Variants in RALGPS1 observed in about 807,000 individuals in gnomAD.
The protein encoded by RALGPS1 is ras-specific guanine nucleotide-releasing factor RalGPS1.
In RALGPS1, 19 loss-of-function variants were observed where a neutral mutation model predicts 78.8. The ratio of observed to expected loss-of-function variants is 0.24; its 90% CI spans 0.17 to 0.35. RALGPS1 has a LOEUF of 0.35. Among genes scored for constraint, RALGPS1 ranks in the 10% least tolerant of loss-of-function variants. The probability of loss-of-function intolerance (pLI) is 1.00; values close to 1 mark genes in which losing one functional copy is unlikely to be tolerated. For synonymous variants in RALGPS1, 228 were observed against 256.3 expected, an observed-to-expected ratio of 0.89 and a Z score of 1.06; for missense variants, 454 against 688.3, an observed-to-expected ratio of 0.66 and a Z score of 3.81.
chr9:126,949,387 C>T (rs2037593672), intron 1 of RALGPS1, among the ~76,000 whole-genome samples: 1 of 152,126 alleles, frequency 6.6e-6, no homozygotes, highest in African/African-American at 2.4e-5. Context: ...GGAATCGCCA[C>T]ACTGACTTCC....
At chr9:126,943,214 C>T (rs1416013399) in intron 1 of RALGPS1, among the ~76,000 whole-genome samples, 1 of 152,162 alleles carries the variant, frequency 6.6e-6, no homozygotes, top group Non-Finnish European at 1.5e-5. Flanking sequence ...GCAATCTCAG[C>T]TCACTGCAAC....
intron 4 of RALGPS1, among the ~76,000 whole-genome samples, chr9:127,016,157 A>T (rs540992147): frequency 1.3e-5 from 2 of 151,956 alleles, no homozygotes; most frequent in South Asian, 2.1e-4. Context: ...GTCTTGTCCA[A>T]TTTATCCCTG....
At chr9:127,054,995 TTGAG>T (rs1355649657) in intron 7 of RALGPS1, among the ~76,000 whole-genome samples, 44 of 66,170 alleles carry the variant, frequency 6.6e-4, no homozygotes, top group Admixed American at 5.8e-3. Flanking sequence ...GAGAGATTGA[TTGAG>T]AGAGAGAGAG....
At position 127,218,482 on chromosome 9, in the gene RALGPS1, G is replaced by A. The variant is rs1394569388; in HGVS notation, c.1645-258G>A. 6.6e-6 allele frequency among the ~76,000 whole-genome samples: 1 copy of A among 152,190 alleles called. No homozygotes were observed. The highest frequency in any genetic ancestry group is 1.5e-5 in the Non-Finnish European group (1 of 68,026). ...AGCCTCAGTTTCCTGTCTTTGTAAT[G>A]AGGACGATCCCAGTGCCTGCCCCAG... On this transcript the variant is annotated intron_variant, in intron 18 of 18. Coordinates refer to ENST00000259351, the MANE Select transcript of RALGPS1 (RefSeq NM_014636.3). This position sits in a 1 kb window ranked among gnomAD's most constrained non-coding sequence, Gnocchi z 4.4.
intron 8 of RALGPS1, among the ~76,000 whole-genome samples, chr9:127,161,588 G>A (rs2059022640): frequency 6.6e-6 from 1 of 152,220 alleles, no homozygotes; most frequent in Non-Finnish European, 1.5e-5. Context: ...ACTGACCACA[G>A]TGGACATGAG....
intron 3 of RALGPS1, among the ~76,000 whole-genome samples, chr9:126,968,775 G>A (rs922965630): frequency 4.6e-5 from 7 of 152,324 alleles, no homozygotes; most frequent in Admixed American, 6.5e-5. Flanking sequence ...TCGTCCGGGC[G>A]CGGTGGCTCA....
intron 8 of RALGPS1, among the ~76,000 whole-genome samples, chr9:127,146,229 C>T (rs532221709): frequency 2.6e-4 from 39 of 152,262 alleles, no homozygotes; most frequent in Admixed American, 1.9e-3. Flanking sequence ...CCTCCTCCCT[C>T]CTGCCTCTAA....
At chr9:127,167,121 G>A (rs1485498797) in intron 9 of RALGPS1, among the ~76,000 whole-genome samples, 3 of 152,204 alleles carry the variant, frequency 2.0e-5, no homozygotes, top group Non-Finnish European at 4.4e-5. Context: ...CACCAAAGAA[G>A]GGTGGTAGGA....
At chr9:127,162,109 A>C (rs936188760) in intron 8 of RALGPS1, among the ~76,000 whole-genome samples, 22 of 152,336 alleles carry the variant, frequency 1.4e-4, no homozygotes, top group African/African-American at 5.1e-4. Flanking sequence ...TATGAGTTAA[A>C]TAAAATATGC....
At position 127,193,666 on chromosome 9, in the gene RALGPS1, C is replaced by T. The variant is rs561699961; in HGVS notation, c.911-1425C>T. ...CAAGCAGGCTGGAGGACATGGGAACCTGTAGGCCACTGGTGGGTCTGTAGG... is the reference window on the plus strand; with the variant it reads ...CAAGCAGGCTGGAGGACATGGGAACTTGTAGGCCACTGGTGGGTCTGTAGG... On this transcript the variant is annotated intron_variant, in intron 11 of 18. Transcript: ENST00000259351. Among the ~76,000 whole-genome samples, 40 of 152,238 alleles carry T rather than the reference C, an allele frequency of 2.6e-4. No homozygotes were observed. In the South Asian group the frequency reaches 8.1e-3, roughly 31 times the overall value.
chr9:127,108,518 T>G (rs1312469606), intron 8 of RALGPS1: 2 of 1,612,890 alleles, frequency 1.2e-6, no homozygotes, highest in Non-Finnish European at 1.7e-6. Flanking sequence ...TCCTTGGAGT[T>G]GACGCAGATG....
intron 1 of RALGPS1, among the ~76,000 whole-genome samples, chr9:126,936,833 GGA>G (rs1233994538): frequency 6.6e-6 from 1 of 151,604 alleles, no homozygotes; most frequent in Non-Finnish European, 1.5e-5. Context: ...AGGAGTGCAG[GGA>G]ACAGGAACGG....
chr9:127,080,168 G>A (rs1276395342), intron 8 of RALGPS1, among the ~76,000 whole-genome samples: 1 of 152,112 alleles, frequency 6.6e-6, no homozygotes, highest in Non-Finnish European at 1.5e-5. Context: ...GGTCTGAGAG[G>A]GCCTGGAATG....
intron 8 of RALGPS1, among the ~76,000 whole-genome samples, chr9:127,081,564 G>A (rs2051174386): frequency 6.6e-6 from 1 of 152,242 alleles, no homozygotes; most frequent in South Asian, 2.1e-4. Context: ...GATGACGAGG[G>A]CGTAGGCCTC....
chr9:127,051,358 A>G (rs1246694593), intron 6 of RALGPS1, among the ~76,000 whole-genome samples: 1 of 152,158 alleles, frequency 6.6e-6, no homozygotes, highest in Non-Finnish European at 1.5e-5. Context: ...GCAGACTGTC[A>G]TGCTGGCTCT....
chr9:127,132,882 C>T (rs980350984), intron 8 of RALGPS1, among the ~76,000 whole-genome samples: 2 of 152,160 alleles, frequency 1.3e-5, no homozygotes, highest in Admixed American at 1.3e-4. Flanking sequence ...TCATCCTCAC[C>T]CTGCCAGGAA....
At chr9:126,938,849 G>T (rs1465955468) in intron 1 of RALGPS1, among the ~76,000 whole-genome samples, 1 of 152,224 alleles carries the variant, frequency 6.6e-6, no homozygotes, top group Non-Finnish European at 1.5e-5. Context: ...CCCACAGGAA[G>T]TGACATTTAA....
chr9:126,952,673 G>GTGTGTGTC (rs60937123), intron 1 of RALGPS1, among the ~76,000 whole-genome samples: 2 of 106,906 alleles, frequency 1.9e-5, no homozygotes, highest in African/African-American at 2.6e-5. Context: ...GTGTGTGTGT[G>GTGTGTGTC]TGTGTGTCTG....
intron 7 of RALGPS1, among the ~76,000 whole-genome samples, chr9:127,066,887 A>G (rs1452616236): frequency 2.0e-5 from 3 of 152,080 alleles, no homozygotes; most frequent in Admixed American, 2.0e-4. Context: ...ATCAAGACTC[A>G]CTACAGACTC....
Sources: allele counts gnomAD v4.1 joint callset (sites outside exome capture counted in the v4.1 genomes callset), GRCh38; gene constraint gnomAD v4.1.1; non-coding constraint Gnocchi (gnomAD v3.1); transcripts MANE v1.5; gene names NCBI Gene and HGNC (gene_info 2026-07-23, HGNC 2026-07-21).